Variants in CLEC17A observed in about 807,000 individuals in gnomAD.
The protein encoded by CLEC17A is C-type lectin domain family 17, member A.
In CLEC17A, 37 loss-of-function variants were observed where a neutral mutation model predicts 61.3. The ratio of observed to expected loss-of-function variants is 0.60; its 90% CI spans 0.46 to 0.79. The LOEUF is 0.79. Ranked by LOEUF, CLEC17A falls within the 30% of genes least tolerant of loss-of-function variation. The probability of loss-of-function intolerance (pLI) is 0.00; values close to 1 mark genes in which losing one functional copy is unlikely to be tolerated. For missense variants in CLEC17A, 418 were observed against 464.7 expected, an observed-to-expected ratio of 0.90 and a Z score of 0.92; for synonymous variants, 168 against 164.9, an observed-to-expected ratio of 1.02 and a Z score of -0.14.
chr19:14,605,883 C>T (rs2074852505), intron 12 of CLEC17A, among the ~76,000 whole-genome samples: 1 of 152,030 alleles, frequency 6.6e-6, no homozygotes, highest in Non-Finnish European at 1.5e-5. Context: ...GGACTATAGA[C>T]ACGCACCACC....
intron 4 of CLEC17A, among the ~76,000 whole-genome samples, chr19:14,592,732 C>T (rs577729684): frequency 1.4e-4 from 21 of 152,092 alleles, no homozygotes; most frequent in Non-Finnish European, 3.1e-4. Flanking sequence ...GTGGCACAAT[C>T]TCCGCTCACT....
chr19:14,592,970 A>C (rs1001762888), intron 4 of CLEC17A, among the ~76,000 whole-genome samples: 4 of 152,028 alleles, frequency 2.6e-5, no homozygotes, highest in Non-Finnish European at 5.9e-5. Context: ...CTGGCCGAGC[A>C]GACATTTCTT....
intron 3 of CLEC17A, among the ~76,000 whole-genome samples, 181 bp from the exon 4 acceptor site, chr19:14,592,100 A>G (rs2074434743): frequency 6.6e-6 from 1 of 152,164 alleles, no homozygotes. Flanking sequence ...CAACATGTAT[A>G]CTATCGCTGG....
At position 14,595,315 on chromosome 19, in the gene CLEC17A, G is replaced by A. The variant is rs368206109; in HGVS notation, c.445G>A (p.Ala149Thr). 7.0e-5 allele frequency: 113 copies of A among 1,613,840 alleles called. No homozygotes were observed. Among genetic ancestry groups the A allele is most frequent in the Non-Finnish European group, 8.0e-5 (94 of 1,179,786 alleles). The part of the protein sequence containing the change: ...EPSPLQPSLA[A>T]TPVPWLNQRS... ...TTCTCCATTGCAGCCATCCCTGGCCGGTAAGTGTCCTCCCATTTCCCCTCT... is the reference window on the plus strand; with the variant it reads ...TTCTCCATTGCAGCCATCCCTGGCCAGTAAGTGTCCTCCCATTTCCCCTCT... Residue 149 changes from alanine (A) to threonine (T), a missense_variant and splice_region_variant, in exon 8 of 14, where the codon GCA (alanine) becomes ACA (threonine). Transcript: ENST00000417570.
intron 13 of CLEC17A, among the ~76,000 whole-genome samples, chr19:14,609,450 C>G (rs576256216): frequency 1.3e-5 from 2 of 152,124 alleles, no homozygotes; most frequent in African/African-American, 4.8e-5. Context: ...TAAGCAAGAG[C>G]CCACATGATC....
At chr19:14,585,173 TA>T (rs905583368) in intron 2 of CLEC17A, among the ~76,000 whole-genome samples, 10 of 152,244 alleles carry the variant, frequency 6.6e-5, no homozygotes, top group African/African-American at 2.2e-4. Flanking sequence ...CCAGAGAATT[TA>T]AAAAAAATAT....
intron 12 of CLEC17A, among the ~76,000 whole-genome samples, chr19:14,605,742 T>C (rs1001192982): frequency 6.6e-6 from 1 of 151,988 alleles, no homozygotes; most frequent in Admixed American, 6.6e-5. Context: ...AGACCTGGGA[T>C]TTTGACTTTT....
At position 14,587,608 on chromosome 19, in the gene CLEC17A, T is replaced by C; in HGVS notation, c.122-6T>C. ...GCTGGGCTCTGACTTGCCTTTCCCC[T>C]GGAAGGGACCATGGAGGAGGAGGAG... On this transcript the variant is annotated splice_polypyrimidine_tract_variant and splice_region_variant and intron_variant, in intron 2 of 13. Coordinates refer to ENST00000417570, the MANE Select transcript of CLEC17A (RefSeq NM_001204118.2). 6.3e-7 allele frequency: 1 copy of C among 1,588,724 alleles called. No homozygotes were observed. Among genetic ancestry groups the C allele is most frequent in the Non-Finnish European group, 8.6e-7 (1 of 1,167,536 alleles).
intron 2 of CLEC17A, 44 bp downstream of exon 2, chr19:14,583,478 T>C (rs566807615): frequency 1.3e-4 from 205 of 1,611,410 alleles, no homozygotes; most frequent in African/African-American, 8.9e-4. Flanking sequence ...ATACAGGGAA[T>C]GGGGTCTCCA....
chr19:14,583,377 G>A lies in CLEC17A; in HGVS notation c.64G>A (p.Glu22Lys). The change falls in exon 2 of 14, where the codon GAG becomes AAG. Residue 22 changes from glutamate (E) to lysine (K), a missense_variant. By Grantham distance (56) the Glu-to-Lys change is moderately conservative. Coordinates refer to ENST00000417570, the MANE Select transcript of CLEC17A (RefSeq NM_001204118.2). ...DPPGTMEEEE[E>K]DDDYENSTPP... ...GGAAGGGACCATGGAGGAGGAGGAG[G>A]AGGATGATGACTATGAGAACTCAAC... 1 of 1,612,070 alleles carries A rather than the reference G, an allele frequency of 6.2e-7. No individual in the cohort carries two copies. Among genetic ancestry groups the A allele is most frequent in the Non-Finnish European group, 8.5e-7 (1 of 1,179,096 alleles).
At chr19:14,598,634 C>T (rs530836672) in intron 10 of CLEC17A, among the ~76,000 whole-genome samples, 13 of 152,074 alleles carry the variant, frequency 8.5e-5, no homozygotes, top group South Asian at 4.2e-4. Flanking sequence ...CCACCACTCC[C>T]GGCTAATTTT....
chr19:14,599,491 C>T (rs1269520396), intron 10 of CLEC17A, among the ~76,000 whole-genome samples: 1 of 152,154 alleles, frequency 6.6e-6, no homozygotes, highest in Non-Finnish European at 1.5e-5. Context: ...TCAGGGTGCC[C>T]ACCACCCCTA....
Position 14,594,531 on chromosome 19 carries a change from C to T in CLEC17A, c.292C>T (p.Pro98Ser), listed in dbSNP as rs1376019821. ...LPPKPGSSAPPRPPRAAKETE... is the reference protein window; with the variant it reads ...LPPKPGSSAPSRPPRAAKETE... The stretch of plus-strand genomic sequence containing the variant: ...CTCTTCTCCAGGTTCAAGTGCTCCA[C>T]CAAGACCTCCAAGGGCAGGTGAGTT... Residue 98 changes from proline (P) to serine (S), a missense_variant, in exon 5 of 14, where the codon CCA becomes TCA. By Grantham distance (74) the Pro-to-Ser change is moderately conservative. Transcript: ENST00000417570. 6.3e-7 allele frequency: 1 copy of T among 1,598,952 alleles called. No individual in the cohort carries two copies. Among genetic ancestry groups the T allele is most frequent in the East Asian group, 2.3e-5 (1 of 44,032 alleles).
intron 10 of CLEC17A, among the ~76,000 whole-genome samples, chr19:14,598,474 C>G (rs1157812315): frequency 6.8e-6 from 1 of 148,098 alleles, no homozygotes; most frequent in Non-Finnish European, 1.5e-5. Flanking sequence ...CTTTCTTTCT[C>G]TCTTGCTTTC....
chr19:14,598,402 C>T (rs541273892), intron 10 of CLEC17A, among the ~76,000 whole-genome samples: 1 of 148,936 alleles, frequency 6.7e-6, no homozygotes, highest in East Asian at 2.0e-4. Context: ...CCTTCTCCTT[C>T]CTTCCTTCCT....
chr19:14,585,877 G>A (rs1198154176), intron 2 of CLEC17A, among the ~76,000 whole-genome samples: 1 of 148,128 alleles, frequency 6.8e-6, no homozygotes, highest in Non-Finnish European at 1.5e-5. Context: ...TGCGTTTTGG[G>A]GTAATTGGTT....
In CLEC17A at chr19:14,607,092, G is replaced by A; in HGVS notation, c.994G>A (p.Val332Met). The change falls in exon 13 of 14, where the codon GTG becomes ATG. Residue 332 changes from valine (V) to methionine (M), a missense_variant. By Grantham distance (21) the Val-to-Met change is conservative. Transcript: ENST00000417570. ...CTGGAGGTGGCTGGATGGGTCTCCT[G>A]TGACATTAAGGCAAGTGCTTGGGTT... ...GDWRWLDGSP[V>M]TLSFWEPEEP... The A allele has an allele frequency of 7.7e-7, 1 of 1,305,152 alleles. No homozygotes were observed. The highest frequency in any genetic ancestry group is 9.8e-7 in the Non-Finnish European group (1 of 1,020,946). The allele number at this position is 1,305,152 out of a possible 1,614,324, so 80.8% of individuals were successfully genotyped here. A position where few individuals can be genotyped will look rare whatever the true frequency, so the allele number is the denominator to read the frequency against.
chr19:14,595,980 T>G, intron 8 of CLEC17A, among the ~76,000 whole-genome samples: 1 of 152,342 alleles, frequency 6.6e-6, no homozygotes, highest in Non-Finnish European at 1.5e-5. Context: ...ACAATGTTGT[T>G]GGTAGAGATG....
At chr19:14,604,294 G>C (rs2074797055) in intron 12 of CLEC17A, among the ~76,000 whole-genome samples, 2 of 152,040 alleles carry the variant, frequency 1.3e-5, no homozygotes, top group Admixed American at 6.6e-5. Context: ...TGAGATACCA[G>C]ATTCTTCTCT....
Sources: allele counts gnomAD v4.1 joint callset (sites outside exome capture counted in the v4.1 genomes callset), GRCh38; gene constraint gnomAD v4.1.1; transcripts MANE v1.5; gene names NCBI Gene and HGNC (gene_info 2026-07-23, HGNC 2026-07-21).